CBR4: variants seen among roughly 807,000 people sequenced by gnomAD.
CBR4 encodes 3-oxoacyl-[acyl-carrier-protein] reductase.
A neutral mutation model predicts 21.0 loss-of-function variants in CBR4; 22 were observed. That is an observed-to-expected ratio of 1.05 (90% confidence interval 0.75 to 1.50). The LOEUF (loss-of-function observed/expected upper bound fraction) is 1.50, where lower values mean the gene tolerates loss of function less well. Ranked by LOEUF, CBR4 falls within the 40% of genes most tolerant of loss-of-function variation. The pLI, the probability that CBR4 is intolerant of heterozygous loss-of-function variation, is 0.00. For missense variants in CBR4, 302 were observed against 286.3 expected (o/e 1.05, Z -0.40); for synonymous variants, 100 against 104.4 (o/e 0.96, Z 0.26).
intron 2 of CBR4, among the ~76,000 whole-genome samples, chr4:168,910,758 C>T (rs186567070): frequency 2.4e-4 from 36 of 152,244 alleles, no homozygotes; most frequent in Non-Finnish European, 4.4e-4. Context: ...GACAGCAGAA[C>T]TGGTTTACAA....
intron 2 of CBR4, among the ~76,000 whole-genome samples, chr4:168,982,041 G>C (rs956505146): frequency 2.0e-5 from 3 of 152,094 alleles, no homozygotes; most frequent in African/African-American, 7.2e-5. Flanking sequence ...CTAATAACAT[G>C]ATGACAGGAT....
intron 2 of CBR4, among the ~76,000 whole-genome samples, chr4:168,954,409 C>G (rs1469513842): frequency 6.6e-6 from 1 of 152,154 alleles, no homozygotes; most frequent in Non-Finnish European, 1.5e-5. Flanking sequence ...ATAGTACCAG[C>G]ATCTGCTTGG....
chr4:168,899,397 TA>T (rs980328954), intron 2 of CBR4, among the ~76,000 whole-genome samples: 2 of 150,988 alleles, frequency 1.3e-5, no homozygotes, highest in Non-Finnish European at 3.0e-5. Context: ...GTGAAAAGAA[TA>T]AAAAAAAGGG....
At position 169,006,601 on chromosome 4, in the gene CBR4, T is replaced by C. The variant is rs60611322; in HGVS notation, c.400+154A>G. 6.3e-3 allele frequency among the ~76,000 whole-genome samples: 958 copies of C among 152,368 alleles called. 11 individuals carry two copies. The highest frequency in any genetic ancestry group is 0.022 in the African/African-American group (919 of 41,592). The stretch of plus-strand genomic sequence containing the variant: ...CTATAGGGATGTGAATGTGTGATTC[T>C]TATTTTACTCATTAATCAATTAATT... On this transcript the variant is annotated intron_variant, in intron 3 of 4. Transcript: ENST00000306193.
chr4:168,944,250 G>A (rs1763342244), intron 2 of CBR4, among the ~76,000 whole-genome samples: 1 of 151,934 alleles, frequency 6.6e-6, no homozygotes, highest in South Asian at 2.1e-4. Context: ...TTTGAGACCA[G>A]CTTAGGCAAT....
chr4:168,966,244 T>C (rs1764021582), intron 2 of CBR4, among the ~76,000 whole-genome samples: 1 of 151,076 alleles, frequency 6.6e-6, no homozygotes. Flanking sequence ...TCAGGAAACG[T>C]GGCTCACGAC....
At chr4:168,985,426 T>C (rs542523301), downstream of CBR4, among the ~76,000 whole-genome samples, 5 of 152,304 alleles carry the variant, frequency 3.3e-5, no homozygotes, top group South Asian at 1.0e-3. Flanking sequence ...AGAGAACGTT[T>C]ATACACTGCT....
At chr4:168,996,305 G>A (rs1324170428) in intron 4 of CBR4, among the ~76,000 whole-genome samples, 2 of 152,056 alleles carry the variant, frequency 1.3e-5, no homozygotes, top group South Asian at 2.1e-4. Context: ...TTCATTTTCT[G>A]TAGCTTTTTA....
chr4:168,935,346 G>A (rs1359947765), intron 2 of CBR4, among the ~76,000 whole-genome samples: 1 of 152,234 alleles, frequency 6.6e-6, no homozygotes, highest in Non-Finnish European at 1.5e-5. Flanking sequence ...CATTTGGCCA[G>A]ACACTGAGCT....
intron 2 of CBR4, among the ~76,000 whole-genome samples, chr4:168,917,480 T>C (rs886547903): frequency 6.6e-6 from 1 of 152,160 alleles, no homozygotes; most frequent in Non-Finnish European, 1.5e-5. Flanking sequence ...AGGGAAAAAA[T>C]ATTTAAGAAA....
rs537224549 is a variant in CBR4 at position 168,974,098 on chromosome 4, T to G, written n.169+27973A>C. 4.7e-4 allele frequency among the ~76,000 whole-genome samples: 72 copies of G among 152,318 alleles called. No individual in the cohort carries two copies. In the South Asian group the frequency reaches 0.014, roughly 29 times the overall value. ...CAAGATTTAGGACTCCTTTCAGCAT[T>G]TCTTGTAATGCTGGCTTGGTAGTGG... is the stretch of plus-strand genomic sequence containing the variant. On this transcript the variant is annotated intron_variant and non_coding_transcript_variant, in intron 2 of 3. Transcript: ENST00000509108.
At position 168,928,220 on chromosome 4, in the gene CBR4, T is replaced by C. The variant is rs748892483; in HGVS notation, n.170-33455A>G. On this transcript the variant is annotated intron_variant and non_coding_transcript_variant, in intron 2 of 3. Coordinates refer to the CBR4 transcript ENST00000509108. ...TGGACCTATCTCTATTGTAGAATTA[T>C]GACTTATGTCTTACTTGCCAAATTT... 43 of 185,458 alleles carry C rather than the reference T, an allele frequency of 2.3e-4. No individual in the cohort carries two copies. The Admixed American group carries it at 2.5e-3, about 11-fold the overall frequency. 11.5% of individuals were successfully genotyped at this position (185,458 alleles called of 1,614,324 possible). A position where few individuals can be genotyped will look rare whatever the true frequency, so the allele number is the denominator to read the frequency against.
intron 2 of CBR4, among the ~76,000 whole-genome samples, chr4:168,914,960 G>A (rs953023105): frequency 2.0e-5 from 3 of 152,144 alleles, no homozygotes; most frequent in African/African-American, 7.2e-5. Flanking sequence ...ATGCTAGCCT[G>A]TATCTTTGGG....
At chr4:168,976,474 G>T (rs574597032) in intron 2 of CBR4, among the ~76,000 whole-genome samples, 2 of 152,268 alleles carry the variant, frequency 1.3e-5, no homozygotes, top group Non-Finnish European at 2.9e-5. Flanking sequence ...TCAGCAAAGG[G>T]TGGTGGGATT....
chr4:168,964,690 G>A (rs1763966306), intron 2 of CBR4, among the ~76,000 whole-genome samples: 1 of 152,180 alleles, frequency 6.6e-6, no homozygotes, highest in Non-Finnish European at 1.5e-5. Flanking sequence ...TGGATGATAT[G>A]GTATTTGAGA....
chr4:168,944,585 TTAAGTTC>T (rs535944656), intron 2 of CBR4, among the ~76,000 whole-genome samples: 81 of 152,336 alleles, frequency 5.3e-4, no homozygotes, highest in African/African-American at 1.9e-3. Context: ...TTATGAGATC[TTAAGTTC>T]CTCAACCATA....
chr4:169,005,873 A>T, intron 3 of CBR4: 1 of 1,287,492 alleles, frequency 7.8e-7, no homozygotes, highest in Non-Finnish European at 1.0e-6. Context: ...TTAAAAGAAC[A>T]GGGTCACTTA....
chr4:168,898,743 A>C, intron 2 of CBR4: 1 of 1,444,928 alleles, frequency 6.9e-7, no homozygotes. Flanking sequence ...GCTTTTTAAG[A>C]GTCATTCTCT....
rs1416611609 is a variant in CBR4, at chr4:169,010,181, A to G, written c.-92T>C. On this transcript the variant is annotated 5_prime_UTR_variant, in exon 1 of 5. Coordinates refer to ENST00000306193, the MANE Select transcript of CBR4 (RefSeq NM_032783.5). The stretch of plus-strand genomic sequence containing the variant: ...TTTTAAACAACCGCGGTTCCAAAAA[A>G]AAAAAAAAGAAAAAAAAAGGCAAAC... 9 of 1,138,514 alleles carry G rather than the reference A, an allele frequency of 7.9e-6. No homozygotes were observed. Among genetic ancestry groups the G allele is most frequent in the Middle Eastern group, 5.5e-4 (2 of 3,620 alleles). 70.5% of individuals were successfully genotyped at this position (1,138,514 alleles called of 1,614,324 possible).
Sources: gnomAD v4.1 joint callset for allele counts (sites outside exome capture counted in the v4.1 genomes callset) on GRCh38, gnomAD v4.1.1 for gene constraint, MANE v1.5 for transcripts, NCBI Gene and HGNC (gene_info 2026-07-23, HGNC 2026-07-21) for gene names.